Variants in GPATCH2 observed in about 807,000 individuals in gnomAD.
GPATCH2 encodes the protein G-patch domain containing 2, also known as G patch domain-containing protein 2.
Under a neutral mutation model 58.0 loss-of-function variants are expected in GPATCH2, and 51 were observed. The ratio of observed to expected loss-of-function variants is 0.88; its 90% CI spans 0.70 to 1.11. GPATCH2 has a LOEUF of 1.11. GPATCH2 is among the 50% of genes most tolerant of loss of function. The probability of loss-of-function intolerance (pLI) is 0.00; values close to 1 mark genes in which losing one functional copy is unlikely to be tolerated. For synonymous variants in GPATCH2, 222 were observed against 218.5 expected, an observed-to-expected ratio of 1.02 and a Z score of -0.14; for missense variants, 625 against 652.2, an observed-to-expected ratio of 0.96 and a Z score of 0.45.
At chr1:217,621,563 T>C (rs917221221) in intron 1 of GPATCH2, among the ~76,000 whole-genome samples, 1 of 152,180 alleles carries the variant, frequency 6.6e-6, no homozygotes, top group Non-Finnish European at 1.5e-5. Context: ...CTTGCCACTA[T>C]AATGCAAAAA....
chr1:217,583,203 A>C (rs563083785), intron 5 of GPATCH2, among the ~76,000 whole-genome samples: 1 of 152,292 alleles, frequency 6.6e-6, no homozygotes, highest in East Asian at 1.9e-4. Context: ...AAAACAATGA[A>C]ATGAAAACTA....
intron 6 of GPATCH2, among the ~76,000 whole-genome samples, chr1:217,506,779 A>T (rs532470214): frequency 5.1e-4 from 78 of 152,192 alleles, no homozygotes; most frequent in Non-Finnish European, 1.0e-3. Flanking sequence ...TGTGCTCAAT[A>T]TGCTTTAGCA....
intron 5 of GPATCH2, among the ~76,000 whole-genome samples, chr1:217,529,464 AT>A (rs1664080980): frequency 6.6e-6 from 1 of 152,128 alleles, no homozygotes; most frequent in African/African-American, 2.4e-5. Context: ...GTGGGTTGTT[AT>A]AAAGCCAGGA....
At chr1:217,593,547 T>C (rs1357793231) in intron 5 of GPATCH2, among the ~76,000 whole-genome samples, 1 of 152,042 alleles carries the variant, frequency 6.6e-6, no homozygotes, top group Non-Finnish European at 1.5e-5. Flanking sequence ...ATATTTTGGC[T>C]CTGTACCACT....
intron 7 of GPATCH2, among the ~76,000 whole-genome samples, chr1:217,497,360 G>A (rs1662062247): frequency 1.3e-5 from 2 of 152,076 alleles, no homozygotes; most frequent in South Asian, 4.1e-4. Flanking sequence ...TTATTAATGT[G>A]AGAAGTATCT....
rs555164441 is a variant in GPATCH2, at chr1:217,509,197, TG to T, written c.1166+5624del. ...TCTACTAAAAGTACAAAAAAGTGGCTGGGGGTGGTGGTGCACGCCTCTAGTC... is the reference window on the plus strand; with the variant it reads ...TCTACTAAAAGTACAAAAAAGTGGCTGGGGTGGTGGTGCACGCCTCTAGTC... On this transcript the variant is annotated intron_variant, in intron 6 of 9. Coordinates refer to ENST00000366935, the MANE Select transcript of GPATCH2 (RefSeq NM_018040.5). 7.9e-5 allele frequency among the ~76,000 whole-genome samples: 12 copies of T among 151,864 alleles called. No individual in the cohort carries two copies. The East Asian group carries it at 2.3e-3, about 30-fold the overall frequency.
chr1:217,487,922 A>G (rs1661530941), intron 8 of GPATCH2, among the ~76,000 whole-genome samples: 1 of 151,912 alleles, frequency 6.6e-6, no homozygotes, highest in African/African-American at 2.4e-5. Flanking sequence ...TTGTATTTTT[A>G]GTAGAGACGC....
intron 5 of GPATCH2, among the ~76,000 whole-genome samples, chr1:217,591,865 C>A (rs898546411): frequency 1.3e-5 from 2 of 151,854 alleles, no homozygotes; most frequent in Admixed American, 6.6e-5. Flanking sequence ...ATGGGAAAAA[C>A]AATCAGGAAG....
At chr1:217,597,368 C>A (rs1437741875) in intron 5 of GPATCH2, among the ~76,000 whole-genome samples, 2 of 150,508 alleles carry the variant, frequency 1.3e-5, no homozygotes, top group African/African-American at 4.9e-5. Flanking sequence ...ACGGCAAAAT[C>A]ACAGAAGATG....
intron 7 of GPATCH2, among the ~76,000 whole-genome samples, chr1:217,494,316 G>A (rs1462894990): frequency 1.3e-5 from 2 of 152,172 alleles, no homozygotes; most frequent in Admixed American, 1.3e-4. Context: ...ACTTCAAAAG[G>A]AAGCTCAGAT....
intron 9 of GPATCH2, among the ~76,000 whole-genome samples, chr1:217,439,355 C>T (rs12121230): frequency 0.014 from 2,057 of 152,236 alleles, 17 homozygotes; most frequent in Middle Eastern, 0.054. Flanking sequence ...ATCTCTGGGA[C>T]ACAGCTAAAG....
chr1:217,616,914 G>A (rs573697898), intron 2 of GPATCH2, among the ~76,000 whole-genome samples: 23 of 152,146 alleles, frequency 1.5e-4, no homozygotes, highest in East Asian at 5.8e-4. Context: ...ACCTCCCATC[G>A]ATTCTAACTC....
chr1:217,448,942 C>G (rs1480851135), intron 9 of GPATCH2, among the ~76,000 whole-genome samples: 1 of 152,072 alleles, frequency 6.6e-6, no homozygotes, highest in Non-Finnish European at 1.5e-5. Context: ...CTATTTATGC[C>G]TTATTTTCCC....
chr1:217,451,748 G>A (rs1412298135), intron 8 of GPATCH2, among the ~76,000 whole-genome samples: 1 of 152,180 alleles, frequency 6.6e-6, no homozygotes, highest in Non-Finnish European at 1.5e-5. Flanking sequence ...AGGAGGGGAA[G>A]GTACCATTCT....
chr1:217,626,474 A>G (rs1001949525), intron 1 of GPATCH2, among the ~76,000 whole-genome samples: 1 of 152,230 alleles, frequency 6.6e-6, no homozygotes, highest in Admixed American at 6.5e-5. Flanking sequence ...AAAGTAATGC[A>G]TAATAGTGTA....
chr1:217,446,605 A>G (rs1659396143), intron 9 of GPATCH2, among the ~76,000 whole-genome samples: 1 of 152,164 alleles, frequency 6.6e-6, no homozygotes, highest in South Asian at 2.1e-4. Context: ...AAAATAAGTG[A>G]TGCAATTCTC....
chr1:217,607,648 T>C (rs1457779182), intron 5 of GPATCH2, among the ~76,000 whole-genome samples: 1 of 152,188 alleles, frequency 6.6e-6, no homozygotes, highest in Admixed American at 6.5e-5. Flanking sequence ...ACCAGAGGCT[T>C]CCAGGAACCT....
At chr1:217,475,691 T>C (rs573279327) in intron 8 of GPATCH2, among the ~76,000 whole-genome samples, 1 of 152,188 alleles carries the variant, frequency 6.6e-6, no homozygotes, top group Admixed American at 6.5e-5. Flanking sequence ...TGAAAGACAT[T>C]GGAGCAATGC....
chr1:217,617,418 G>T (rs1668939058), intron 2 of GPATCH2, among the ~76,000 whole-genome samples: 1 of 152,070 alleles, frequency 6.6e-6, no homozygotes, highest in African/African-American at 2.4e-5. Flanking sequence ...TTCATCATTT[G>T]CTTGCCTGGC....
Sources: allele counts gnomAD v4.1 joint callset (sites outside exome capture counted in the v4.1 genomes callset), GRCh38; gene constraint gnomAD v4.1.1; transcripts MANE v1.5; gene names NCBI Gene and HGNC (gene_info 2026-07-23, HGNC 2026-07-21).